Variants in PPP4R3B observed in about 807,000 individuals in gnomAD.
PPP4R3B encodes the protein protein phosphatase 4 regulatory subunit 3B, also known as serine/threonine-protein phosphatase 4 regulatory subunit 3B.
A neutral mutation model predicts 95.4 loss-of-function variants in PPP4R3B; 52 were observed. The observed-to-expected ratio is 0.54, with a 90% CI of 0.44 to 0.69. PPP4R3B has a LOEUF of 0.69. Ranked by LOEUF, PPP4R3B falls within the 30% of genes least tolerant of loss-of-function variation. The pLI is 0.00. For synonymous variants in PPP4R3B, 407 were observed against 343.9 expected, an observed-to-expected ratio of 1.18 and a Z score of -2.03; for missense variants, 1,003 against 1,005.9, an observed-to-expected ratio of 1.00 and a Z score of 0.04.
intron 16 of PPP4R3B, among the ~76,000 whole-genome samples, chr2:55,555,941 T>C (rs1159552274): frequency 6.6e-6 from 1 of 152,256 alleles, no homozygotes; most frequent in Non-Finnish European, 1.5e-5. Flanking sequence ...ATAGAAAATA[T>C]ACGTTTTACA....
intron 2 of PPP4R3B, among the ~76,000 whole-genome samples, chr2:55,609,667 CAAAAA>C (rs58617547): frequency 9.7e-6 from 1 of 103,518 alleles, no homozygotes; most frequent in African/African-American, 3.8e-5. Flanking sequence ...GACTGTGTCT[CAAAAA>C]AAAAAAAAAC....
chr2:55,598,976 G>T lies in PPP4R3B; in HGVS notation c.361C>A (p.Arg121=), dbSNP rs1334895008. 5 of 1,613,910 alleles carry T rather than the reference G, an allele frequency of 3.1e-6. No individual in the cohort carries two copies. The highest frequency in any genetic ancestry group is 4.2e-6 in the Non-Finnish European group (5 of 1,180,012). The part of the protein sequence containing the change: ...QDLIDESEEE[R]FEEMPETSHL... ...CTAGTTTCAGGCATTTCTTCAAATC[G>T]TTCTTCTTCAGATTCATCAATGAGG... Residue 121 remains arginine (R), a synonymous_variant, in exon 4 of 17, where the codon CGA becomes AGA. Transcript: ENST00000616407.
intron 2 of PPP4R3B, among the ~76,000 whole-genome samples, chr2:55,605,829 C>T (rs772421404): frequency 5.3e-5 from 8 of 149,824 alleles, no homozygotes; most frequent in Admixed American, 3.4e-4. Flanking sequence ...TCGCTTGAAC[C>T]GGGGAGGCAG....
rs185935146 is a variant in PPP4R3B at position 55,611,448 on chromosome 2, C to A, written c.198+4003G>T. 1.3e-4 allele frequency among the ~76,000 whole-genome samples: 20 copies of A among 152,276 alleles called. No homozygotes were observed. In the East Asian group the frequency reaches 3.9e-3, roughly 29 times the overall value. ...TCATATAATGATTCTCTTCTCTTTC[C>A]AACATGTTTAAATGCTTAAGTTTAT... is the stretch of plus-strand genomic sequence containing the variant. On this transcript the variant is annotated intron_variant, in intron 2 of 16. Transcript: ENST00000616407.
At chr2:55,570,453 T>G (rs1407224182) in intron 12 of PPP4R3B, among the ~76,000 whole-genome samples, 1 of 152,214 alleles carries the variant, frequency 6.6e-6, no homozygotes, top group Non-Finnish European at 1.5e-5. Context: ...AAATCTCCTT[T>G]TTAACTCGTG....
intron 1 of PPP4R3B, among the ~76,000 whole-genome samples, chr2:55,616,783 G>C (rs534434802): frequency 2.0e-5 from 3 of 152,080 alleles, no homozygotes; most frequent in Admixed American, 2.0e-4. Flanking sequence ...GTTTGTACTA[G>C]ACGTATAATG....
At chr2:55,612,103 A>T (rs1221456479) in intron 2 of PPP4R3B, among the ~76,000 whole-genome samples, 1 of 152,182 alleles carries the variant, frequency 6.6e-6, no homozygotes, top group Non-Finnish European at 1.5e-5. Context: ...AGTTTTTAAT[A>T]AAAAACCCGC....
chr2:55,551,435 G>A (rs905936438), intron 16 of PPP4R3B, among the ~76,000 whole-genome samples: 1 of 152,052 alleles, frequency 6.6e-6, no homozygotes, highest in African/African-American at 2.4e-5. Flanking sequence ...GTAGTATTTA[G>A]GCCTCAGTGA....
At chr2:55,551,482 G>A (rs1013517937) in intron 16 of PPP4R3B, among the ~76,000 whole-genome samples, 2 of 152,148 alleles carry the variant, frequency 1.3e-5, no homozygotes, top group Non-Finnish European at 2.9e-5. Flanking sequence ...CAGGCGCAGT[G>A]GCTCATGCCT....
chr2:55,608,541 C>A (rs2103827331), intron 2 of PPP4R3B, among the ~76,000 whole-genome samples: 1 of 152,300 alleles, frequency 6.6e-6, no homozygotes, highest in East Asian at 1.9e-4. Context: ...TCACCTCAAT[C>A]CAATCCAACA....
intron 2 of PPP4R3B, among the ~76,000 whole-genome samples, chr2:55,605,166 C>G (rs914328545): frequency 6.6e-6 from 1 of 152,100 alleles, no homozygotes; most frequent in Admixed American, 6.6e-5. Flanking sequence ...ACTAAAAACA[C>G]TATGCAATAC....
chr2:55,573,929 C>A, intron 11 of PPP4R3B, among the ~76,000 whole-genome samples, 152 bp from the exon 12 acceptor site: 1 of 140,984 alleles, frequency 7.1e-6, no homozygotes. Flanking sequence ...CACTCTGTCA[C>A]CCAGTTTGGA....
chr2:55,603,720 C>T (rs1692983792), intron 3 of PPP4R3B, among the ~76,000 whole-genome samples: 1 of 152,046 alleles, frequency 6.6e-6, no homozygotes, highest in South Asian at 2.1e-4. Flanking sequence ...AAGTACTTGC[C>T]ATTTTACAAT....
intron 9 of PPP4R3B, 64 bp from the exon 10 acceptor site, chr2:55,578,406 T>C (rs2104183714): frequency 8.3e-7 from 1 of 1,200,236 alleles, no homozygotes; most frequent in Non-Finnish European, 1.1e-6. Flanking sequence ...GTGTCTGTTA[T>C]ATTATTATCT....
chr2:55,562,107 G>C (rs559934660), intron 15 of PPP4R3B, among the ~76,000 whole-genome samples: 1 of 152,120 alleles, frequency 6.6e-6, no homozygotes, highest in Admixed American at 6.6e-5. Context: ...GAGTTCTCAC[G>C]AGATCTGGTT....
At chr2:55,573,899 T>G in intron 11 of PPP4R3B, 122 bp from the exon 12 acceptor site, 1 of 792,850 alleles carries the variant, frequency 1.3e-6, no homozygotes, top group Non-Finnish European at 1.8e-6. Context: ...TTTTTTTTTT[T>G]TTTTTTTGAG....
intron 3 of PPP4R3B, among the ~76,000 whole-genome samples, chr2:55,602,937 C>G (rs1692835155): frequency 6.6e-6 from 1 of 151,124 alleles, no homozygotes; most frequent in Non-Finnish European, 1.5e-5. Context: ...CAAATTTCCA[C>G]AAAAATTTCT....
chr2:55,596,950 G>C (rs1691866812), intron 4 of PPP4R3B, among the ~76,000 whole-genome samples: 2 of 152,140 alleles, frequency 1.3e-5, no homozygotes, highest in East Asian at 1.9e-4. Context: ...GGCAACAAGA[G>C]TGAAACTCCG....
chr2:55,599,055 T>A lies in PPP4R3B; in HGVS notation c.298-16A>T, dbSNP rs781458747. ...TACCTTGAACCTAAAAATATCCAAG[T>A]ATACAGCTAATTACCTTAAAATACA... On this transcript the variant is annotated splice_polypyrimidine_tract_variant and intron_variant, in intron 3 of 16. Coordinates refer to ENST00000616407, the MANE Select transcript of PPP4R3B (RefSeq NM_001122964.3). 1 of 1,575,760 alleles carries A rather than the reference T, an allele frequency of 6.3e-7. No homozygotes were observed. The highest frequency in any genetic ancestry group is 1.2e-5 in the South Asian group (1 of 85,156).
Sources: allele counts gnomAD v4.1 joint callset (sites outside exome capture counted in the v4.1 genomes callset), GRCh38; gene constraint gnomAD v4.1.1; transcripts MANE v1.5; gene names NCBI Gene and HGNC (gene_info 2026-07-23, HGNC 2026-07-21).